MYH2: variants seen among roughly 807,000 people sequenced by gnomAD.
MYH2 encodes myosin-2.
MYH2 carries 139 observed loss-of-function variants against 228.1 expected under a neutral mutation model. That is an observed-to-expected ratio of 0.61 (90% confidence interval 0.53 to 0.70). The LOEUF (loss-of-function observed/expected upper bound fraction) is 0.70. Among genes scored for constraint, MYH2 ranks in the 30% least tolerant of loss-of-function variants. MYH2 has a pLI of 0.00. For missense variants in MYH2, 1,809 were observed against 2,357.5 expected (o/e 0.77, Z 4.82); for synonymous variants, 796 against 871.1 (o/e 0.91, Z 1.52).
chr17:10,525,220 G>A lies in MYH2; in HGVS notation c.4662+4C>T. On this transcript the variant is annotated splice_donor_region_variant and intron_variant, in intron 33 of 39. Coordinates refer to ENST00000245503, the MANE Select transcript of MYH2 (RefSeq NM_017534.6). This position sits in a 1 kb window ranked among gnomAD's most constrained non-coding sequence, Gnocchi z 4.2. ...TTTTTTATAATGCACAATTTTACAT[G>A]TACCTCTGCTTCTTCTAAAGCAGCC... The A allele has an allele frequency of 6.2e-7, 1 of 1,614,012 alleles. No homozygotes were observed. Among genetic ancestry groups the A allele is most frequent in the Non-Finnish European group, 8.5e-7 (1 of 1,180,008 alleles).
At position 10,525,788 on chromosome 17, in the gene MYH2, G is replaced by T. The variant is rs773071482; in HGVS notation, c.4276C>A (p.Arg1426=). ...AGGTCCTCGACCTCATTCTGCAGCC[G>T]CTGCTTCGTCTTTTCGAGGGAAGCA... ...KCASLEKTKQ[R]LQNEVEDLML... The change falls in exon 31 of 40, where the codon CGG becomes AGG. Residue 1426 remains arginine, a synonymous_variant. Transcript: ENST00000245503. The surrounding 1 kb of genome is among the most constrained non-coding windows in gnomAD (Gnocchi z 4.2). 6.2e-7 allele frequency: 1 copy of T among 1,614,142 alleles called. No homozygotes were observed. Among genetic ancestry groups the T allele is most frequent in the African/African-American group, 1.3e-5 (1 of 75,022 alleles).
chr17:10,540,792 G>A, intron 10 of MYH2, 95 bp from the exon 11 acceptor site: 1 of 1,062,618 alleles, frequency 9.4e-7, no homozygotes, highest in Non-Finnish European at 1.4e-6. Context: ...TATTGTTGTG[G>A]GAACTCAGGG....
intron 5 of MYH2, 99 bp from the exon 6 acceptor site, chr17:10,544,226 C>G: frequency 5.5e-6 from 8 of 1,454,318 alleles, no homozygotes; most frequent in Non-Finnish European, 7.6e-6. Context: ...TCAGTCTGGA[C>G]TTTGCAACCT....
chr17:10,529,697 A>G lies in MYH2; in HGVS notation c.2984T>C (p.Ile995Thr), dbSNP rs753079624. ...TEEMAGLDET[I>T]AKLTKEKKAL... ...CTTCTTCTCCTTGGTCAGCTTAGCA[A>G]TGGTTTCATCCAGACCTGCCATCTC... is the stretch of plus-strand genomic sequence containing the variant. The change falls in exon 24 of 40, where the codon ATT becomes ACT. Residue 995 changes from isoleucine (I) to threonine (T), a missense_variant. Physicochemically the swap from Ile to Thr is moderately conservative, Grantham distance 89. Transcript: ENST00000245503. The G allele has an allele frequency of 1.2e-6, 2 of 1,613,900 alleles. No individual in the cohort carries two copies. Among genetic ancestry groups the G allele is most frequent in the Non-Finnish European group, 1.7e-6 (2 of 1,180,020 alleles).
chr17:10,535,888 T>G (rs1278445814), intron 17 of MYH2, among the ~76,000 whole-genome samples: 1 of 152,220 alleles, frequency 6.6e-6, no homozygotes, highest in South Asian at 2.1e-4. Flanking sequence ...GGATACCATA[T>G]TAGCTGCACT....
Position 10,537,820 on chromosome 17 carries a change from G to A in MYH2, c.1432C>T (p.Gln478Ter). The change falls in exon 15 of 40, where the codon CAG becomes TAG. Residue 478 changes from glutamine (Q) to a stop codon, truncating the protein, a stop_gained. Coordinates refer to ENST00000245503, the MANE Select transcript of MYH2 (RefSeq NM_017534.6). LOFTEE classifies it high-confidence loss of function. The surrounding 1 kb of genome is among the most constrained non-coding windows in gnomAD (Gnocchi z 4.0). The part of the protein sequence containing the change: ...FEIFDFNSLE[Q>*]LCINFTNEKL... ...TCATTGGTGAAGTTGATGCACAGCT[G>A]CTCCAGGCTGTTGAACTAAATAAAT... 1 of 1,614,150 alleles carries A rather than the reference G, an allele frequency of 6.2e-7. No homozygotes were observed. The highest frequency in any genetic ancestry group is 8.5e-7 in the Non-Finnish European group (1 of 1,180,026).
At position 10,531,715 on chromosome 17, in the gene MYH2, G is replaced by C. The variant is rs2142303290; in HGVS notation, c.2615C>G (p.Ser872Ter). The change falls in exon 22 of 40, where the codon TCA becomes TGA. Residue 872 changes from serine to a stop codon, truncating the protein, a stop_gained. Coordinates refer to ENST00000245503, the MANE Select transcript of MYH2 (RefSeq NM_017534.6). LOFTEE classifies it high-confidence loss of function. ...TTCCAGTTCCTTCCTTTTTGCCTCT[G>C]ACTTGGCAAGTTCGTCTTTAATTTT... is the stretch of plus-strand genomic sequence containing the variant. ...FQKIKDELAK[S>*]EAKRKELEEK... 1 of 1,614,050 alleles carries C rather than the reference G, an allele frequency of 6.2e-7. No homozygotes were observed. Among genetic ancestry groups the C allele is most frequent in the Non-Finnish European group, 8.5e-7 (1 of 1,180,000 alleles).
At chr17:10,546,774 GT>G (rs71139050) in intron 4 of MYH2, among the ~76,000 whole-genome samples, 72,777 of 127,294 alleles carry the variant, frequency 0.57, 18,150 homozygotes, top group Non-Finnish European at 0.65. Flanking sequence ...AGTGAAATTT[GT>G]TTTTAAAAAA....
Position 10,525,508 on chromosome 17 carries a change from A to G in MYH2, c.4480T>C (p.Tyr1494His). Residue 1494 changes from tyrosine to histidine, a missense_variant, in exon 32 of 40, where the codon TAT becomes CAT. Physicochemically the swap from Tyr to His is moderately conservative, Grantham distance 83. Transcript: ENST00000245503. The surrounding 1 kb of genome is among the most constrained non-coding windows in gnomAD (Gnocchi z 4.2). ...GTELFKIKNA[Y>H]EESLDQLETL... ...TCTAGCTGATCCAAAGATTCCTCAT[A>G]GGCATTCTTTATCTTGAACAGCTCA... 1 of 1,614,174 alleles carries G rather than the reference A, an allele frequency of 6.2e-7. No homozygotes were observed. The highest frequency in any genetic ancestry group is 8.5e-7 in the Non-Finnish European group (1 of 1,180,030).
chr17:10,526,082 G>T (rs1188216305), intron 30 of MYH2, among the ~76,000 whole-genome samples: 1 of 152,220 alleles, frequency 6.6e-6, no homozygotes, highest in Non-Finnish European at 1.5e-5. Context: ...TCTGCTTCAT[G>T]AAGACCACAA....
rs749966733 is a variant in MYH2, at chr17:10,523,180, T to G, written c.5583A>C (p.Glu1861Asp). The change falls in exon 39 of 40, where the codon GAA becomes GAC. Residue 1861 changes from glutamate to aspartate, a missense_variant. Glu to Asp is a conservative substitution (Grantham distance 45). This residue lies in a region of MYH2 where 278 missense variants were observed against 308.5 expected (regional missense o/e 0.90). Coordinates refer to ENST00000245503, the MANE Select transcript of MYH2 (RefSeq NM_017534.6). ...GCCTGAGAATATTCTTTCTATCTTC[T>G]TCCGTCTGAAAGATTATAAAAAGTC... ...RRVKELTYQTEEDRKNILRLQ... is the reference protein window; with the variant it reads ...RRVKELTYQTDEDRKNILRLQ... The G allele has an allele frequency of 6.2e-7, 1 of 1,613,326 alleles. No individual in the cohort carries two copies. Among genetic ancestry groups the G allele is most frequent in the African/African-American group, 1.3e-5 (1 of 74,908 alleles).
At position 10,540,613 on chromosome 17, in the gene MYH2, T is replaced by C; in HGVS notation, c.989A>G (p.Glu330Gly). 2 of 1,612,426 alleles carry C rather than the reference T, an allele frequency of 1.2e-6. No individual in the cohort carries two copies. The highest frequency in any genetic ancestry group is 8.5e-7 in the Non-Finnish European group (1 of 1,178,438). The stretch of plus-strand genomic sequence containing the variant: ...ACTTACATCTGTGGCCATCAGTTCT[T>C]CCTGATCATCGATGCTGGCCACACT... ...EISVASIDDQ[E>G]ELMATDSAID... The change falls in exon 11 of 40, where the codon GAA (glutamate) becomes GGA (glycine). Residue 330 changes from glutamate (E) to glycine (G), a missense_variant. By Grantham distance (98) the Glu-to-Gly change is moderately conservative (BLOSUM62 -2). Around this residue, in one of 9 missense-constraint regions of MYH2, gnomAD observed 373 missense variants for 620.4 expected, o/e 0.60. Coordinates refer to ENST00000245503, the MANE Select transcript of MYH2 (RefSeq NM_017534.6).
At chr17:10,545,593 C>T in intron 4 of MYH2, 91 bp from the exon 5 acceptor site, 1 of 1,521,298 alleles carries the variant, frequency 6.6e-7, no homozygotes, top group Non-Finnish European at 9.0e-7. Context: ...GAGACAGGGT[C>T]TTGCTCTGTC....
rs759366023 is a variant in MYH2 at position 10,533,620 on chromosome 17, T to G, written c.2193A>C (p.Leu731Phe). Residue 731 changes from leucine (L) to phenylalanine (F), a missense_variant, in exon 20 of 40, where the codon TTA becomes TTC. Transcript: ENST00000245503. ...GCCCTTCAGGGATTGCACTTGCATT[T>G]AATACCTTGTATCTGTTGAAGTACA... ...YADFKQRYKVLNASAIPEGQF... is the reference protein window; with the variant it reads ...YADFKQRYKVFNASAIPEGQF... The G allele has an allele frequency of 6.2e-7, 1 of 1,614,158 alleles. No homozygotes were observed. Among genetic ancestry groups the G allele is most frequent in the Non-Finnish European group, 8.5e-7 (1 of 1,179,966 alleles).
rs117390537 is a variant in MYH2, at chr17:10,533,543, A to G, written c.2270T>C (p.Ile757Thr). The change falls in exon 20 of 40, where the codon ATT becomes ACT. Residue 757 changes from isoleucine to threonine, a missense_variant. Transcript: ENST00000245503. ...ASEKLLASID[I>T]DHTQYKFGHT... ...CCCAAATTTATACTGGGTGTGGTCAATGTCGATGGATGCAAGGAGCTTCTC... is the reference window on the plus strand; with the variant it reads ...CCCAAATTTATACTGGGTGTGGTCAGTGTCGATGGATGCAAGGAGCTTCTC... The G allele has an allele frequency of 1.3e-3, 2,074 of 1,614,212 alleles. 3 individuals are homozygous for G. The highest frequency in any genetic ancestry group is 1.6e-3 in the Admixed American group (94 of 60,028).
Position 10,530,030 on chromosome 17 carries a change from T to C in MYH2, c.2742A>G (p.Leu914=). ...LADAEERCDQ[L]IKTKIQLEAK... is the part of the protein sequence containing the mutation. ...CTTCTAGCTGGATTTTGGTTTTGAT[T>C]AGCTGGTCACACCTTTCCTCTGCAT... Residue 914 remains leucine (L), a synonymous_variant, in exon 23 of 40, where the codon CTA becomes CTG. Transcript: ENST00000245503. 1.9e-6 allele frequency: 3 copies of C among 1,614,210 alleles called. No individual in the cohort carries two copies. Among genetic ancestry groups the C allele is most frequent in the Middle Eastern group, 3.3e-4 (2 of 6,062 alleles).
In MYH2 at chr17:10,529,091, G is replaced by A. The variant is rs1158534455; in HGVS notation, c.3355-12C>T. The A allele has an allele frequency of 6.2e-7, 1 of 1,614,218 alleles. No individual in the cohort carries two copies. The highest frequency in any genetic ancestry group is 1.1e-5 in the South Asian group (1 of 91,090). On this transcript the variant is annotated splice_polypyrimidine_tract_variant and intron_variant, in intron 26 of 39. Coordinates refer to ENST00000245503, the MANE Select transcript of MYH2 (RefSeq NM_017534.6). ...TCCTCAATGCGGGCCTGGGAATGGT[G>A]GAAAATACAAACTCAGCTTCTTTGT... is the stretch of plus-strand genomic sequence containing the variant.
intron 35 of MYH2, 115 bp from the exon 36 acceptor site, chr17:10,523,999 A>T (rs2073317902): frequency 1.1e-6 from 1 of 899,602 alleles, no homozygotes; most frequent in East Asian, 2.6e-5. Context: ...GCCTTTTAAT[A>T]TTAAAGAATT....
Position 10,537,131 on chromosome 17 carries a change from G to T in MYH2, c.1897+102C>A. The T allele has an allele frequency of 1.4e-6, 2 of 1,469,820 alleles. No individual in the cohort carries two copies. Among genetic ancestry groups the T allele is most frequent in the South Asian group, 1.1e-5 (1 of 87,844 alleles). 91.0% of individuals were successfully genotyped at this position (1,469,820 alleles called of 1,614,324 possible). ...TATTCAATACTTGGAGGAACCAGGG[G>T]CTTGGTCTGCAACCCTTCTGCCAGA... On this transcript the variant is annotated intron_variant, in intron 16 of 39. Transcript: ENST00000245503. This position sits in a 1 kb window ranked among gnomAD's most constrained non-coding sequence, Gnocchi z 4.0.
Sources: gnomAD v4.1 joint callset for allele counts (sites outside exome capture counted in the v4.1 genomes callset) on GRCh38, gnomAD v4.1.1 for gene constraint, gnomAD v4.1.1 regional missense constraint, Gnocchi (gnomAD v3.1) non-coding constraint, MANE v1.5 for transcripts, NCBI Gene and HGNC (gene_info 2026-07-23, HGNC 2026-07-21) for gene names.